The following TRIP11 variants were observed in gnomAD, a reference collection of about 807,000 sequenced individuals.
TRIP11 encodes thyroid receptor-interacting protein 11.
In TRIP11, 148 loss-of-function variants were observed where a neutral mutation model predicts 223.1. That is an observed-to-expected ratio of 0.66 (90% CI 0.58 to 0.76). TRIP11 has a LOEUF of 0.76. Ranked by LOEUF, TRIP11 falls within the 30% of genes least tolerant of loss-of-function variation. The probability of loss-of-function intolerance (pLI) is 0.00; values close to 1 mark genes in which losing one functional copy is unlikely to be tolerated. For missense variants in TRIP11, 2,043 were observed against 2,222.0 expected (o/e 0.92, Z 1.62); for synonymous variants, 762 against 772.6 (o/e 0.99, Z 0.23).
intron 16 of TRIP11, among the ~76,000 whole-genome samples, chr14:91,985,014 G>A (rs59528159): frequency 0.024 from 3,638 of 152,212 alleles, 136 homozygotes; most frequent in African/African-American, 0.074. Context: ...TATTTTCTTC[G>A]TTACTTTCCC....
chr14:91,968,972 G>A lies in TRIP11; in HGVS notation c.*701C>T. ...CACATGAATTTACACACAGGGCCAG[G>A]CGCAGTGGCTCATGCCTTAATCCCA... is the stretch of plus-strand genomic sequence containing the variant. On this transcript the variant is annotated 3_prime_UTR_variant, in exon 21 of 21. Coordinates refer to ENST00000267622, the MANE Select transcript of TRIP11 (RefSeq NM_004239.4). 1 of 226,820 alleles carries A rather than the reference G, an allele frequency of 4.4e-6. No individual in the cohort carries two copies. Among genetic ancestry groups the A allele is most frequent in the East Asian group, 6.3e-5 (1 of 15,822 alleles). The allele number at this position is 226,820 out of a possible 1,614,324, so 14.1% of individuals were successfully genotyped here. A position where few individuals can be genotyped will look rare whatever the true frequency, so the allele number is the denominator to read the frequency against.
At position 91,966,785 on chromosome 14, in the gene TRIP11, T is replaced by A. The variant is rs950049942; in HGVS notation, c.*2888A>T. On this transcript the variant is annotated 3_prime_UTR_variant, in exon 21 of 21. Coordinates refer to ENST00000267622, the MANE Select transcript of TRIP11 (RefSeq NM_004239.4). Reference sequence around the variant, plus strand: ...AAATTCAGTAGTTAGATGAATTTTCTACTACAGTATAGAGGTTGAAAACCA... The same window carrying A: ...AAATTCAGTAGTTAGATGAATTTTCAACTACAGTATAGAGGTTGAAAACCA... 2.3e-5 allele frequency: 5 copies of A among 215,382 alleles called. No homozygotes were observed. The highest frequency in any genetic ancestry group is 1.1e-4 in the African/African-American group (5 of 44,320). The allele number at this position is 215,382 out of a possible 1,614,324, so 13.3% of individuals were successfully genotyped here. A position where few individuals can be genotyped will look rare whatever the true frequency, so the allele number is the denominator to read the frequency against.
At chr14:91,980,075 G>A (rs1267825047) in intron 16 of TRIP11, among the ~76,000 whole-genome samples, 1 of 152,046 alleles carries the variant, frequency 6.6e-6, no homozygotes, top group Non-Finnish European at 1.5e-5. Flanking sequence ...CTCTACATCT[G>A]TGACATAGTA....
intron 15 of TRIP11, among the ~76,000 whole-genome samples, chr14:91,992,844 G>C (rs987994817): frequency 7.3e-6 from 1 of 136,198 alleles, no homozygotes. Context: ...AGGAGGGGGA[G>C]TTTGCAGTGA....
intron 9 of TRIP11, among the ~76,000 whole-genome samples, chr14:92,010,367 C>G (rs1225951826): frequency 6.6e-6 from 1 of 152,094 alleles, no homozygotes; most frequent in Non-Finnish European, 1.5e-5. Flanking sequence ...CCCGTCTCCA[C>G]TAAAAATACA....
Position 91,966,097 on chromosome 14 carries a change from A to C in TRIP11, c.*3576T>G, listed in dbSNP as rs1355861530. 3 of 173,640 alleles carry C rather than the reference A, an allele frequency of 1.7e-5. No individual in the cohort carries two copies. 10.8% of individuals were successfully genotyped at this position (173,640 alleles called of 1,614,324 possible). A position where few individuals can be genotyped will look rare whatever the true frequency, so the allele number is the denominator to read the frequency against. On this transcript the variant is annotated 3_prime_UTR_variant, in exon 21 of 21. Transcript: ENST00000267622. ...CTTGCAGTGCTCCTGAGAAATTCAAAAATGCATTAACTTTAGCTCTATAAA... is the reference window on the plus strand; with the variant it reads ...CTTGCAGTGCTCCTGAGAAATTCAACAATGCATTAACTTTAGCTCTATAAA...
intron 15 of TRIP11, among the ~76,000 whole-genome samples, chr14:91,993,416 C>T (rs779367680): frequency 7.8e-5 from 10 of 128,618 alleles, no homozygotes; most frequent in Non-Finnish European, 1.1e-4. Context: ...GCAGAGGTTG[C>T]GGTGGGTCGA....
intron 17 of TRIP11, 57 bp downstream of exon 17, chr14:91,976,051 T>C: frequency 6.5e-7 from 1 of 1,536,044 alleles, no homozygotes; most frequent in African/African-American, 1.4e-5. Flanking sequence ...GAAGTTTTTT[T>C]TTAACCATAA....
At chr14:91,974,135 T>C (rs1038773211) in intron 19 of TRIP11, among the ~76,000 whole-genome samples, 1 of 152,248 alleles carries the variant, frequency 6.6e-6, no homozygotes, top group African/African-American at 2.4e-5. Context: ...TACCAGGCAC[T>C]GTGTTTTCAT....
intron 2 of TRIP11, among the ~76,000 whole-genome samples, chr14:92,028,560 A>G (rs571627970): frequency 1.5e-4 from 23 of 152,154 alleles, no homozygotes; most frequent in Non-Finnish European, 3.2e-4. Context: ...TCTCAAAACA[A>G]AAAGAAAGGC....
In TRIP11 at chr14:92,006,407, A is replaced by C; in HGVS notation, c.1569T>G (p.Asn523Lys). Residue 523 changes from asparagine to lysine, a missense_variant, in exon 11 of 21, where the codon AAT (asparagine) becomes AAG (lysine). Physicochemically the swap from Asn to Lys is moderately conservative, Grantham distance 94 (BLOSUM62 0). Transcript: ENST00000267622. ...LIKDQLSKQQ[N>K]EGDSIISKLK... ...GTTTACTGATGATGCTATCTCCTTC[A>C]TTTTGTTGTTTTGATAGCTGATCTT... 6.2e-7 allele frequency: 1 copy of C among 1,613,042 alleles called. No individual in the cohort carries two copies. Among genetic ancestry groups the C allele is most frequent in the Non-Finnish European group, 8.5e-7 (1 of 1,179,740 alleles).
intron 7 of TRIP11, among the ~76,000 whole-genome samples, chr14:92,013,935 C>T (rs1383476680): frequency 6.6e-6 from 1 of 152,128 alleles, no homozygotes; most frequent in Non-Finnish European, 1.5e-5. Context: ...TAACAACTGA[C>T]TTTGAAGAAG....
At chr14:91,984,333 T>TG (rs1396167724) in intron 16 of TRIP11, among the ~76,000 whole-genome samples, 5 of 134,322 alleles carry the variant, frequency 3.7e-5, no homozygotes, top group African/African-American at 8.1e-5. Flanking sequence ...TTTTTTTTTT[T>TG]GGGACCAAGT....
chr14:91,973,025 CTTTT>C (rs142203489), intron 19 of TRIP11, among the ~76,000 whole-genome samples, 164 bp from the exon 20 acceptor site: 2 of 131,374 alleles, frequency 1.5e-5, no homozygotes, highest in Non-Finnish European at 1.6e-5. Flanking sequence ...AATACTGGCA[CTTTT>C]TTTTTTTTTT....
chr14:91,976,097 A>C lies in TRIP11; in HGVS notation c.5342+11T>G. On this transcript the variant is annotated intron_variant, in intron 17 of 20. Transcript: ENST00000267622. ...CACAAAATATACAAACATTAAAAGCAAAAAGCATACTTGTCTACTTTTCCT... is the reference window on the plus strand; with the variant it reads ...CACAAAATATACAAACATTAAAAGCCAAAAGCATACTTGTCTACTTTTCCT... 6.2e-7 allele frequency: 1 copy of C among 1,609,786 alleles called. No individual in the cohort carries two copies. Among genetic ancestry groups the C allele is most frequent in the Non-Finnish European group, 8.5e-7 (1 of 1,178,320 alleles).
At chr14:92,000,183 C>T in intron 11 of TRIP11, 75 bp from the exon 12 acceptor site, 1 of 1,593,442 alleles carries the variant, frequency 6.3e-7, no homozygotes, top group Non-Finnish European at 8.6e-7. Context: ...TTTCTTCACT[C>T]AATTATTAAT....
intron 1 of TRIP11, among the ~76,000 whole-genome samples, chr14:92,038,459 T>A (rs552436018): frequency 2.0e-5 from 3 of 152,312 alleles, no homozygotes; most frequent in Admixed American, 1.3e-4. Context: ...TGCACCTTTA[T>A]GGCATGGGGA....
At chr14:91,990,671 T>C (rs1443604554) in intron 15 of TRIP11, among the ~76,000 whole-genome samples, 2 of 152,126 alleles carry the variant, frequency 1.3e-5, no homozygotes, top group East Asian at 3.8e-4. Flanking sequence ...CAAGATTTCA[T>C]CTCTAATTAA....
chr14:91,988,381 T>C lies in TRIP11; in HGVS notation c.5163A>G (p.Glu1721=), dbSNP rs578168633. 3 of 1,613,334 alleles carry C rather than the reference T, an allele frequency of 1.9e-6. No homozygotes were observed. Among genetic ancestry groups the C allele is most frequent in the East Asian group, 2.2e-5 (1 of 44,850 alleles). The change falls in exon 16 of 21, where the codon GAA becomes GAG. Residue 1721 remains glutamate (E), a splice_region_variant and synonymous_variant. Coordinates refer to ENST00000267622, the MANE Select transcript of TRIP11 (RefSeq NM_004239.4). ...ATGCAGCATTTGCTTCATCCAAACATTCCTGAGAAAGAAAACTTTATTAAA... is the reference window on the plus strand; with the variant it reads ...ATGCAGCATTTGCTTCATCCAAACACTCCTGAGAAAGAAAACTTTATTAAA... ...NLEGKVISLQ[E]CLDEANAALD... is the part of the protein sequence containing the mutation.
Sources: allele counts gnomAD v4.1 joint callset (sites outside exome capture counted in the v4.1 genomes callset), GRCh38; gene constraint gnomAD v4.1.1; transcripts MANE v1.5; gene names NCBI Gene and HGNC (gene_info 2026-07-23, HGNC 2026-07-21).